Variants in IKBIP observed in about 807,000 individuals in gnomAD.
The protein encoded by IKBIP is IKBKB interacting protein.
Under a neutral mutation model 31.0 loss-of-function variants are expected in IKBIP, and 28 were observed. The ratio of observed to expected loss-of-function variants is 0.90; its 90% CI spans 0.67 to 1.24. The LOEUF is 1.24. IKBIP is among the 50% of genes most tolerant of loss of function. The pLI is 0.00. For synonymous variants in IKBIP, 164 were observed against 160.3 expected (o/e 1.02, Z -0.17); for missense variants, 453 against 441.9 (o/e 1.03, Z -0.23).
exon 3 of IKBIP, chr12:98,613,786 C>T: frequency 6.2e-7 from 1 of 1,610,506 alleles, no homozygotes. Flanking sequence ...TTAGATTATA[C>T]ACCTTTGGTT....
intron 1 of IKBIP, among the ~76,000 whole-genome samples, chr12:98,639,419 ACT>A (rs2097628547): frequency 6.6e-6 from 1 of 151,966 alleles, no homozygotes; most frequent in African/African-American, 2.4e-5. Context: ...AATAAAAATA[ACT>A]CTCGTTTTTG....
intron 2 of IKBIP, among the ~76,000 whole-genome samples, chr12:98,632,031 T>A (rs1003449764): frequency 3.3e-5 from 5 of 151,636 alleles, no homozygotes; most frequent in Non-Finnish European, 7.4e-5. Flanking sequence ...AATTTTTGTA[T>A]TTTTAGTAGA....
intron 1 of IKBIP, among the ~76,000 whole-genome samples, chr12:98,643,502 G>A (rs1196933922): frequency 6.6e-6 from 1 of 151,990 alleles, no homozygotes; most frequent in Non-Finnish European, 1.5e-5. Flanking sequence ...GAAAAAAAAA[G>A]GCTGGGAAAA....
chr12:98,619,112 C>T (rs756970128), intron 2 of IKBIP, among the ~76,000 whole-genome samples: 7 of 152,036 alleles, frequency 4.6e-5, no homozygotes, highest in South Asian at 4.2e-4. Flanking sequence ...AGTGAGTTTG[C>T]GAAATGTTCC....
chr12:98,620,014 G>C (rs1429236350), downstream of IKBIP, among the ~76,000 whole-genome samples: 1 of 149,870 alleles, frequency 6.7e-6, no homozygotes, highest in Admixed American at 6.6e-5. Context: ...TGCCGCCTGA[G>C]TTCAAGTGAT....
downstream of IKBIP, among the ~76,000 whole-genome samples, chr12:98,621,576 C>T (rs1337825170): frequency 6.6e-6 from 1 of 152,174 alleles, no homozygotes; most frequent in South Asian, 2.1e-4. Flanking sequence ...CCTAGTTGAA[C>T]AGTAGCAGGC....
In IKBIP at chr12:98,625,321, G is replaced by C. The variant is rs2097613275; in HGVS notation, c.*609C>G. 2.0e-6 allele frequency: 2 copies of C among 980,548 alleles called. No individual in the cohort carries two copies. The allele number at this position is 980,548 out of a possible 1,614,324, so 60.7% of individuals were successfully genotyped here. Reference sequence around the variant, plus strand: ...TAACAAAAACTAAAATGTTTCCCAGGCTTTAGAGTTTTCAGAAAGTGCATA... The same window carrying C: ...TAACAAAAACTAAAATGTTTCCCAGCCTTTAGAGTTTTCAGAAAGTGCATA... On this transcript the variant is annotated 3_prime_UTR_variant, in exon 3 of 3. Coordinates refer to ENST00000299157, the MANE Select transcript of IKBIP (RefSeq NM_153687.4).
At chr12:98,619,873 G>GAAA (rs562387976), downstream of IKBIP, among the ~76,000 whole-genome samples, 27 of 68,948 alleles carry the variant, frequency 3.9e-4, no homozygotes, top group African/African-American at 1.2e-3. Flanking sequence ...CCCTTTCTCA[G>GAAA]AAAAAAAAAA....
intron 1 of IKBIP, among the ~76,000 whole-genome samples, chr12:98,638,878 C>T (rs2153300778): frequency 6.6e-6 from 1 of 152,280 alleles, no homozygotes; most frequent in South Asian, 2.1e-4. Context: ...ACTCCCTGGG[C>T]TCAAGCGATC....
At chr12:98,621,805 C>T (rs188320495), downstream of IKBIP, among the ~76,000 whole-genome samples, 40 of 152,148 alleles carry the variant, frequency 2.6e-4, no homozygotes, top group African/African-American at 8.7e-4. Context: ...AGGCTGGACG[C>T]GGTGGCTCAT....
exon 3 of IKBIP, chr12:98,613,592 A>G (rs751281069): frequency 6.8e-7 from 1 of 1,470,600 alleles, no homozygotes; most frequent in East Asian, 2.3e-5. Context: ...AAACTAATTC[A>G]TATCTGAAAT....
At chr12:98,638,800 T>C (rs2097628043) in intron 1 of IKBIP, among the ~76,000 whole-genome samples, 1 of 151,960 alleles carries the variant, frequency 6.6e-6, no homozygotes, top group Non-Finnish European at 1.5e-5. Context: ...TGTTTGTTTG[T>C]TCGTTTTTTG....
chr12:98,618,271 T>A (rs542814868), intron 2 of IKBIP, among the ~76,000 whole-genome samples: 4 of 152,182 alleles, frequency 2.6e-5, no homozygotes, highest in Admixed American at 2.0e-4. Context: ...TCTAAAGATA[T>A]CTTTTTTTCT....
At chr12:98,641,930 T>G (rs890064154) in intron 1 of IKBIP, among the ~76,000 whole-genome samples, 2 of 152,164 alleles carry the variant, frequency 1.3e-5, no homozygotes, top group Non-Finnish European at 2.9e-5. Context: ...GTTGGGATTA[T>G]AGGCATGAAC....
At position 98,624,314 on chromosome 12, in the gene IKBIP, G is replaced by A. The variant is rs773779196; in HGVS notation, c.*1616C>T. On this transcript the variant is annotated 3_prime_UTR_variant, in exon 3 of 3. Transcript: ENST00000299157. ...AACAAATAGAATTTTGTCAGTGCAC[G>A]CAAATAAGAGACATTCAGAAGTCAA... 97 of 975,050 alleles carry A rather than the reference G, an allele frequency of 9.9e-5. No individual in the cohort carries two copies. Among genetic ancestry groups the A allele is most frequent in the Admixed American group, 1.2e-4 (2 of 16,232 alleles). 60.4% of individuals were successfully genotyped at this position (975,050 alleles called of 1,614,324 possible). A position where few individuals can be genotyped will look rare whatever the true frequency, so the allele number is the denominator to read the frequency against.
At chr12:98,620,501 G>A (rs2097609263), downstream of IKBIP, among the ~76,000 whole-genome samples, 1 of 151,862 alleles carries the variant, frequency 6.6e-6, no homozygotes, top group South Asian at 2.1e-4. Flanking sequence ...CAAGTAGCTG[G>A]GATTACAGAC....
rs149716046 is a variant in IKBIP, at chr12:98,633,232, T to A, written c.297+1064A>T. On this transcript the variant is annotated intron_variant, in intron 2 of 2. Transcript: ENST00000299157. ...ATGAATAAATGAACAAAAAGCCATA[T>A]TTCCCAATGATAGCTTGGTCCCTGG... Among the ~76,000 whole-genome samples, 65 of 152,284 alleles carry A rather than the reference T, an allele frequency of 4.3e-4. 1 individual carries two copies. The highest frequency in any genetic ancestry group is 1.5e-3 in the African/African-American group (62 of 41,566).
intron 2 of IKBIP, among the ~76,000 whole-genome samples, chr12:98,632,133 C>T (rs34050435): frequency 0.27 from 41,082 of 151,612 alleles, 6,021 homozygotes; most frequent in African/African-American, 0.37. Context: ...GGATTACAGG[C>T]GTGAGCCACC....
At chr12:98,620,245 T>A (rs1307065827), downstream of IKBIP, among the ~76,000 whole-genome samples, 3 of 151,804 alleles carry the variant, frequency 2.0e-5, no homozygotes, top group Non-Finnish European at 2.9e-5. Flanking sequence ...ATTCCTATCA[T>A]ATATTCAAGG....
Sources: allele counts gnomAD v4.1 joint callset (sites outside exome capture counted in the v4.1 genomes callset), GRCh38; gene constraint gnomAD v4.1.1; transcripts MANE v1.5; gene names NCBI Gene and HGNC (gene_info 2026-07-23, HGNC 2026-07-21).